The following FOXF1 variants were observed in gnomAD, a reference collection of about 807,000 sequenced individuals.
The protein encoded by FOXF1 is forkhead box F1.
FOXF1 carries 9 observed loss-of-function variants against 26.6 expected under a neutral mutation model. The observed-to-expected ratio is 0.34, with a 90% CI of 0.20 to 0.59. The LOEUF is 0.59. FOXF1 is among the 20% of genes least tolerant of loss of function. The pLI is 0.83. For missense variants in FOXF1, 499 were observed against 549.9 expected (o/e 0.91, Z 0.93); for synonymous variants, 330 against 257.7 (o/e 1.28, Z -2.69).
In FOXF1 at chr16:86,514,728, A is replaced by G. The variant is rs994212820; in HGVS notation, c.*1643A>G. 2.2e-4 allele frequency: 33 copies of G among 152,302 alleles called. No individual in the cohort carries two copies. Among genetic ancestry groups the G allele is most frequent in the African/African-American group, 7.5e-4 (31 of 41,568 alleles). 9.4% of individuals were successfully genotyped at this position (152,302 alleles called of 1,614,324 possible). On this transcript the variant is annotated 3_prime_UTR_variant, in exon 2 of 2. Coordinates refer to ENST00000262426, the MANE Select transcript of FOXF1 (RefSeq NM_001451.3). The stretch of plus-strand genomic sequence containing the variant: ...TAAATGTCATTGATCGTTTTAAAGA[A>G]ATAAACTTTTAAAGAACACTATAGA...
chr16:86,513,497 A>G lies in FOXF1; in HGVS notation c.*412A>G, dbSNP rs1044699156. On this transcript the variant is annotated 3_prime_UTR_variant, in exon 2 of 2. Transcript: ENST00000262426. ...GAAAAGCAAACATGTGAGACCAATC[A>G]TTATCAAATACTTTTATTTTTTGGT... 5.1e-6 allele frequency: 1 copy of G among 195,426 alleles called. No homozygotes were observed. Among genetic ancestry groups the G allele is most frequent in the South Asian group, 1.0e-4 (1 of 9,592 alleles). 12.1% of individuals were successfully genotyped at this position (195,426 alleles called of 1,614,324 possible).
Position 86,511,010 on chromosome 16 carries a change from A to G in FOXF1, c.441A>G (p.Lys147=), listed in dbSNP as rs1969553370. 6.2e-7 allele frequency: 1 copy of G among 1,612,532 alleles called. No homozygotes were observed. The highest frequency in any genetic ancestry group is 8.5e-7 in the Non-Finnish European group (1 of 1,179,934). The part of the protein sequence containing the change: ...FRRRPRGFRR[K]CQALKPMYSM... The stretch of plus-strand genomic sequence containing the variant: ...GGCGGCCGCGCGGCTTCCGAAGGAA[A>G]TGCCAGGCGCTCAAGCCCATGTACA... Residue 147 remains lysine (K), a synonymous_variant, in exon 1 of 2, where the codon AAA becomes AAG. Transcript: ENST00000262426.
chr16:86,510,594 C>T lies in FOXF1; in HGVS notation c.25C>T (p.Gln9Ter). Residue 9 changes from glutamine to a stop codon, truncating the protein, a stop_gained, in exon 1 of 2, where the codon CAG becomes TAG. Coordinates refer to ENST00000262426, the MANE Select transcript of FOXF1 (RefSeq NM_001451.3). LOFTEE classifies it high-confidence loss of function. MSSAPEKQ[Q>*]PPHGGGGGGG... is the part of the protein sequence containing the mutation. ...GATGTCTTCGGCGCCCGAGAAGCAG[C>T]AGCCACCGCACGGCGGCGGCGGCGG... The T allele has an allele frequency of 7.2e-7, 1 of 1,383,430 alleles. No homozygotes were observed. The highest frequency in any genetic ancestry group is 9.3e-7 in the Non-Finnish European group (1 of 1,076,994). The allele number at this position is 1,383,430 out of a possible 1,614,324, so 85.7% of individuals were successfully genotyped here.
rs1969602860 is a variant in FOXF1, at chr16:86,513,599, T to C, written c.*514T>C. ...ATGCGCAAGTCTCCCTTTAGAGCCG[T>C]CTTTTGCAGGGAGCGGGAAGTGACA... On this transcript the variant is annotated 3_prime_UTR_variant, in exon 2 of 2. Coordinates refer to ENST00000262426, the MANE Select transcript of FOXF1 (RefSeq NM_001451.3). The C allele has an allele frequency of 6.3e-6, 1 of 158,384 alleles. No individual in the cohort carries two copies. Among genetic ancestry groups the C allele is most frequent in the Non-Finnish European group, 1.4e-5 (1 of 71,756 alleles). The allele number at this position is 158,384 out of a possible 1,614,324, so 9.8% of individuals were successfully genotyped here.
In FOXF1 at chr16:86,513,418, C is replaced by G. The variant is rs1011876431; in HGVS notation, c.*333C>G. 3.0e-6 allele frequency: 1 copy of G among 330,620 alleles called. No homozygotes were observed. The highest frequency in any genetic ancestry group is 2.1e-5 in the African/African-American group (1 of 46,706). The allele number at this position is 330,620 out of a possible 1,614,324, so 20.5% of individuals were successfully genotyped here. On this transcript the variant is annotated 3_prime_UTR_variant, in exon 2 of 2. Transcript: ENST00000262426. ...CCCCCGCACCCACACAGGAATTCTG[C>G]TGAGGTCCCCCCTCCTTCCGGCCAA...
At chr16:86,511,822 G>T (rs1273279563) in intron 1 of FOXF1, among the ~76,000 whole-genome samples, 1 of 152,236 alleles carries the variant, frequency 6.6e-6, no homozygotes, top group Non-Finnish European at 1.5e-5. Flanking sequence ...TCCTGAGCCA[G>T]ATGTCCCAGA....
rs1026313824 is a variant in FOXF1 at position 86,513,894 on chromosome 16, A to T, written c.*809A>T. On this transcript the variant is annotated 3_prime_UTR_variant, in exon 2 of 2. Coordinates refer to ENST00000262426, the MANE Select transcript of FOXF1 (RefSeq NM_001451.3). ...TCAGTGGGTATTTTTCTGTCTCCCA[A>T]CCTCTACTGTAAACTTTCTGGTCCG... is the stretch of plus-strand genomic sequence containing the variant. 8 of 152,180 alleles carry T rather than the reference A, an allele frequency of 5.3e-5. No individual in the cohort carries two copies. Among genetic ancestry groups the T allele is most frequent in the African/African-American group, 1.9e-4 (8 of 41,418 alleles). The allele number at this position is 152,180 out of a possible 1,614,324, so 9.4% of individuals were successfully genotyped here. A position where few individuals can be genotyped will look rare whatever the true frequency, so the allele number is the denominator to read the frequency against.
In FOXF1 at chr16:86,512,948, T is replaced by C; in HGVS notation, c.1003T>C (p.Ser335Pro). ...AGGCATCCCGCGGTATCACTCGCAG[T>C]CGCCCAGCATGTGTGACCGAAAGGA... ...LQGIPRYHSQ[S>P]PSMCDRKEFV... The change falls in exon 2 of 2, where the codon TCG (serine) becomes CCG (proline). Residue 335 changes from serine to proline, a missense_variant. Ser to Pro is a moderately conservative substitution (Grantham distance 74). Transcript: ENST00000262426. The C allele has an allele frequency of 6.2e-7, 1 of 1,614,154 alleles. No individual in the cohort carries two copies. The highest frequency in any genetic ancestry group is 8.5e-7 in the Non-Finnish European group (1 of 1,180,038).
In FOXF1 at chr16:86,513,379, T is replaced by C. The variant is rs1969598597; in HGVS notation, c.*294T>C. ...CTGTTGAACCCGCCTGAGACGGTGC[T>C]GTGCAGGGGAAAGCCCCCGCACCCA... On this transcript the variant is annotated 3_prime_UTR_variant, in exon 2 of 2. Transcript: ENST00000262426. The C allele has an allele frequency of 2.4e-6, 1 of 410,068 alleles. No homozygotes were observed. Among genetic ancestry groups the C allele is most frequent in the Non-Finnish European group, 4.3e-6 (1 of 231,054 alleles). 25.4% of individuals were successfully genotyped at this position (410,068 alleles called of 1,614,324 possible).
At position 86,511,968 on chromosome 16, in the gene FOXF1, C is replaced by G. The variant is rs546104383; in HGVS notation, c.979+420C>G. Among the ~76,000 whole-genome samples, 13 of 150,614 alleles carry G rather than the reference C, an allele frequency of 8.6e-5. No homozygotes were observed. In the South Asian group the frequency reaches 2.3e-3, roughly 27 times the overall value. The stretch of plus-strand genomic sequence containing the variant: ...GGTGGCCCTCAGGCTGCCTGGAGGG[C>G]TGCCTCTGCCTGGGGCTGGGCGGAA... On this transcript the variant is annotated intron_variant, in intron 1 of 1. Coordinates refer to ENST00000262426, the MANE Select transcript of FOXF1 (RefSeq NM_001451.3).
intron 1 of FOXF1, among the ~76,000 whole-genome samples, chr16:86,512,523 C>G (rs1969582877): frequency 6.6e-6 from 1 of 152,254 alleles, no homozygotes; most frequent in African/African-American, 2.4e-5. Flanking sequence ...GCCTCTCCTT[C>G]AACCCCGCCG....
chr16:86,513,667 G>A lies in FOXF1; in HGVS notation c.*582G>A, dbSNP rs764520354. On this transcript the variant is annotated 3_prime_UTR_variant, in exon 2 of 2. Transcript: ENST00000262426. ...CCCGATCTCCCTCCCCACCTCCGAA[G>A]TCTCCTCCGTGGACCACAGGTGGAT... 2.6e-5 allele frequency: 4 copies of A among 153,420 alleles called. No individual in the cohort carries two copies. The highest frequency in any genetic ancestry group is 9.7e-5 in the African/African-American group (4 of 41,398). 9.5% of individuals were successfully genotyped at this position (153,420 alleles called of 1,614,324 possible). A position where few individuals can be genotyped will look rare whatever the true frequency, so the allele number is the denominator to read the frequency against.
At position 86,511,387 on chromosome 16, in the gene FOXF1, C is replaced by T; in HGVS notation, c.818C>T (p.Ser273Leu). 2.5e-6 allele frequency: 4 copies of T among 1,585,686 alleles called. No homozygotes were observed. The highest frequency in any genetic ancestry group is 3.4e-6 in the Non-Finnish European group (4 of 1,174,548). ...YSGSAAAWPP[S>L]ASAALNSGAS... The stretch of plus-strand genomic sequence containing the variant: ...GGCTCGGCGGCGGCCTGGCCGCCCT[C>T]GGCGTCCGCGGCGCTCAACAGCGGC... Residue 273 changes from serine (S) to leucine (L), a missense_variant, in exon 1 of 2, where the codon TCG becomes TTG. Around this residue, in one of 5 missense-constraint regions of FOXF1, gnomAD observed 367 missense variants for 324.8 expected, o/e 1.13. Coordinates refer to ENST00000262426, the MANE Select transcript of FOXF1 (RefSeq NM_001451.3).
chr16:86,512,832 G>A (rs957553041), intron 1 of FOXF1, 93 bp from the exon 2 acceptor site: 15 of 1,461,766 alleles, frequency 1.0e-5, no homozygotes, highest in Middle Eastern at 1.7e-4. Context: ...GGCCCTGTGC[G>A]CCCCACGGGA....
At position 86,510,737 on chromosome 16, in the gene FOXF1, C is replaced by T; in HGVS notation, c.168C>T (p.Leu56=). Residue 56 remains leucine, a synonymous_variant, in exon 1 of 2, where the codon CTC becomes CTT. Coordinates refer to ENST00000262426, the MANE Select transcript of FOXF1 (RefSeq NM_001451.3). The stretch of plus-strand genomic sequence containing the variant: ...AGCCGCCCTATTCCTACATCGCGCT[C>T]ATCGTCATGGCCATCCAGAGTTCAC... The part of the protein sequence containing the change: ...PEKPPYSYIA[L]IVMAIQSSPT... The T allele has an allele frequency of 1.2e-6, 2 of 1,614,038 alleles. No homozygotes were observed. The highest frequency in any genetic ancestry group is 1.7e-6 in the Non-Finnish European group (2 of 1,180,048).
chr16:86,513,159 T>G lies in FOXF1; in HGVS notation c.*74T>G, dbSNP rs1420587631. On this transcript the variant is annotated 3_prime_UTR_variant, in exon 2 of 2. Transcript: ENST00000262426. Reference sequence around the variant, plus strand: ...CCTGGACCGGCACAAGAAACTGCTTTCTTCTCGAGGTATAACCGTCGGCAG... The same window carrying G: ...CCTGGACCGGCACAAGAAACTGCTTGCTTCTCGAGGTATAACCGTCGGCAG... 17 of 1,519,588 alleles carry G rather than the reference T, an allele frequency of 1.1e-5. No individual in the cohort carries two copies. Among genetic ancestry groups the G allele is most frequent in the Middle Eastern group, 1.7e-4 (1 of 5,768 alleles). The allele number at this position is 1,519,588 out of a possible 1,614,324, so 94.1% of individuals were successfully genotyped here.
In FOXF1 at chr16:86,510,653, C is replaced by G; in HGVS notation, c.84C>G (p.Pro28=). 6.3e-7 allele frequency: 1 copy of G among 1,599,766 alleles called. No individual in the cohort carries two copies. The highest frequency in any genetic ancestry group is 8.5e-7 in the Non-Finnish European group (1 of 1,174,694). The part of the protein sequence containing the change: ...GGGGGGAAMD[P]ASSGPSKAKK... ...GGGGAGGCGGCGCGGCCATGGACCC[C>G]GCGTCGTCCGGCCCGTCCAAGGCCA... The change falls in exon 1 of 2, where the codon CCC becomes CCG. Residue 28 remains proline (P), a synonymous_variant. Transcript: ENST00000262426.
In FOXF1 at chr16:86,513,908, C is replaced by G. The variant is rs1196777127; in HGVS notation, c.*823C>G. Reference sequence around the variant, plus strand: ...TCTGTCTCCCAACCTCTACTGTAAACTTTCTGGTCCGAGAACGAGCCGAAC... The same window carrying G: ...TCTGTCTCCCAACCTCTACTGTAAAGTTTCTGGTCCGAGAACGAGCCGAAC... On this transcript the variant is annotated 3_prime_UTR_variant, in exon 2 of 2. Coordinates refer to ENST00000262426, the MANE Select transcript of FOXF1 (RefSeq NM_001451.3). 6.6e-6 allele frequency: 1 copy of G among 152,280 alleles called. No individual in the cohort carries two copies. The highest frequency in any genetic ancestry group is 1.5e-5 in the Non-Finnish European group (1 of 68,062). 9.4% of individuals were successfully genotyped at this position (152,280 alleles called of 1,614,324 possible). A position where few individuals can be genotyped will look rare whatever the true frequency, so the allele number is the denominator to read the frequency against.
At position 86,514,847 on chromosome 16, in the gene FOXF1, A is replaced by T. The variant is rs773502343; in HGVS notation, c.*1762A>T. 6.6e-6 allele frequency: 1 copy of T among 152,164 alleles called. No homozygotes were observed. Among genetic ancestry groups the T allele is most frequent in the Non-Finnish European group, 1.5e-5 (1 of 68,036 alleles). The allele number at this position is 152,164 out of a possible 1,614,324, so 9.4% of individuals were successfully genotyped here. A position where few individuals can be genotyped will look rare whatever the true frequency, so the allele number is the denominator to read the frequency against. On this transcript the variant is annotated 3_prime_UTR_variant, in exon 2 of 2. Coordinates refer to ENST00000262426, the MANE Select transcript of FOXF1 (RefSeq NM_001451.3). Reference sequence around the variant, plus strand: ...TATATACATATATGTACATATATGTATACGTGTCCATGTACATAATATATA... The same window carrying T: ...TATATACATATATGTACATATATGTTTACGTGTCCATGTACATAATATATA...
Sources: allele counts gnomAD v4.1 joint callset (sites outside exome capture counted in the v4.1 genomes callset), GRCh38; gene constraint gnomAD v4.1.1; regional missense constraint gnomAD v4.1.1; transcripts MANE v1.5; gene names NCBI Gene and HGNC (gene_info 2026-07-23, HGNC 2026-07-21).